Variants in AFTPH observed in about 807,000 individuals in gnomAD.
AFTPH encodes aftiphilin, also known as aftiphilin protein.
AFTPH carries 7 observed loss-of-function variants against 72.5 expected under a neutral mutation model. That is an observed-to-expected ratio of 0.10 (90% confidence interval 0.05 to 0.18). AFTPH has a LOEUF of 0.18. AFTPH is among the 10% of genes least tolerant of loss of function. The pLI is 1.00. For synonymous variants in AFTPH, 337 were observed against 370.1 expected, an observed-to-expected ratio of 0.91 and a Z score of 1.03; for missense variants, 979 against 1,060.5, an observed-to-expected ratio of 0.92 and a Z score of 1.07.
At chr2:64,546,772 C>T (rs1170151325) in intron 1 of AFTPH, among the ~76,000 whole-genome samples, 4 of 151,838 alleles carry the variant, frequency 2.6e-5, no homozygotes, top group Non-Finnish European at 4.4e-5. Flanking sequence ...TGGTGGCTCA[C>T]GCCTGTGATC....
intron 1 of AFTPH, among the ~76,000 whole-genome samples, chr2:64,548,963 C>G (rs1315931118): frequency 6.6e-6 from 1 of 152,172 alleles, no homozygotes. Context: ...TTCCTGGTAA[C>G]TCTGAGTGAC....
At chr2:64,553,113 G>T (rs770707382) in exon 2 of AFTPH, 23 of 1,614,050 alleles carry the variant, frequency 1.4e-5, no homozygotes, top group Non-Finnish European at 1.9e-5. Flanking sequence ...AAATATTCAG[G>T]ATGACTGCAA....
chr2:64,569,344 A>C, intron 4 of AFTPH, 126 bp downstream of exon 4: 1 of 1,297,340 alleles, frequency 7.7e-7, no homozygotes, highest in Non-Finnish European at 1.0e-6. Context: ...TTAAATGTTC[A>C]CTTATATTGA....
intron 1 of AFTPH, among the ~76,000 whole-genome samples, chr2:64,529,404 T>G (rs575567099): frequency 6.6e-6 from 1 of 152,044 alleles, no homozygotes; most frequent in Non-Finnish European, 1.5e-5. Context: ...TCAGTGATGT[T>G]TATATTCTAT....
chr2:64,559,297 G>A (rs1026132767), intron 2 of AFTPH, among the ~76,000 whole-genome samples: 1 of 152,152 alleles, frequency 6.6e-6, no homozygotes, highest in Non-Finnish European at 1.5e-5. Flanking sequence ...GGAAGGATGG[G>A]GAGGGGAAGT....
intron 1 of AFTPH, among the ~76,000 whole-genome samples, chr2:64,525,085 C>G (rs995487956): frequency 6.6e-6 from 1 of 152,238 alleles, no homozygotes; most frequent in African/African-American, 2.4e-5. Context: ...TGTGCTGCTT[C>G]CAAGGGTCTC....
At chr2:64,583,542 A>G (rs1284578356) in intron 7 of AFTPH, among the ~76,000 whole-genome samples, 2 of 152,012 alleles carry the variant, frequency 1.3e-5, no homozygotes, top group Non-Finnish European at 2.9e-5. Flanking sequence ...GCACTTACCT[A>G]TTGCCAGTCA....
At chr2:64,548,977 C>T (rs1383249749) in intron 1 of AFTPH, among the ~76,000 whole-genome samples, 6 of 152,178 alleles carry the variant, frequency 3.9e-5, no homozygotes, top group Non-Finnish European at 8.8e-5. Context: ...GAGTGACTGA[C>T]CAGTCGTTAA....
intron 1 of AFTPH, among the ~76,000 whole-genome samples, chr2:64,538,923 A>T (rs1374665135): frequency 2.0e-5 from 3 of 152,190 alleles, no homozygotes; most frequent in Admixed American, 2.0e-4. Flanking sequence ...TGTAGAAAGC[A>T]GCACTGTCAG....
At chr2:64,572,803 TAA>T (rs147232569) in intron 5 of AFTPH, 141 bp from the exon 6 acceptor site, 367,897 of 965,026 alleles carry the variant, frequency 0.38, 54,810 homozygotes, top group African/African-American at 0.73. Context: ...CCTTGTCTCT[TAA>T]AAAAAAAAAA....
intron 3 of AFTPH, among the ~76,000 whole-genome samples, chr2:64,568,368 A>G (rs1420317045): frequency 2.0e-5 from 3 of 150,990 alleles, no homozygotes; most frequent in Non-Finnish European, 2.9e-5. Flanking sequence ...ATGTTTCCCT[A>G]CCCTTTAAGA....
intron 7 of AFTPH, among the ~76,000 whole-genome samples, chr2:64,585,028 G>T (rs1443247696): frequency 6.6e-6 from 1 of 152,158 alleles, no homozygotes; most frequent in Non-Finnish European, 1.5e-5. Flanking sequence ...TTTAAAATGA[G>T]ATTAGTTAAT....
chr2:64,551,537 GGAT>G (rs761179582), exon 2 of AFTPH: 25 of 1,613,280 alleles, frequency 1.5e-5, no homozygotes, highest in East Asian at 4.5e-5. Context: ...ATGGAGCAGA[GGAT>G]GATGATGATG....
chr2:64,544,885 G>A (rs6546085), intron 1 of AFTPH, among the ~76,000 whole-genome samples: 71,323 of 151,764 alleles, frequency 0.47, 19,451 homozygotes, highest in African/African-American at 0.76. Context: ...GCAAGTTCTC[G>A]CCATCAATTG....
At chr2:64,551,982 A>G (rs1319024370) in exon 2 of AFTPH, 1 of 1,613,728 alleles carries the variant, frequency 6.2e-7, no homozygotes, top group Non-Finnish European at 8.5e-7. Context: ...GCAGTTAGAG[A>G]GCTGCAATGG....
intron 6 of AFTPH, among the ~76,000 whole-genome samples, chr2:64,578,351 A>G (rs1672948880): frequency 6.6e-6 from 1 of 152,230 alleles, no homozygotes. Context: ...TTTTGATATC[A>G]AAAGTCTAAT....
At chr2:64,528,252 A>G (rs957886047) in intron 1 of AFTPH, among the ~76,000 whole-genome samples, 2 of 152,246 alleles carry the variant, frequency 1.3e-5, no homozygotes, top group Non-Finnish European at 2.9e-5. Flanking sequence ...TCAATTAAAT[A>G]TCTACTGACA....
At chr2:64,585,611 G>C (rs1015640899) in intron 8 of AFTPH, 66 bp downstream of exon 9, 1 of 1,525,620 alleles carries the variant, frequency 6.6e-7, no homozygotes, top group Non-Finnish European at 8.8e-7. Context: ...AAAGGAAAAA[G>C]CATGTCAGTT....
At chr2:64,567,792 A>G in intron 3 of AFTPH, 79 bp downstream of exon 3, 3 of 1,499,194 alleles carry the variant, frequency 2.0e-6, no homozygotes, top group East Asian at 2.3e-5. Context: ...ATCTTAAAAC[A>G]TTAAGGTTCA....
Sources: allele counts gnomAD v4.1 joint callset (sites outside exome capture counted in the v4.1 genomes callset), GRCh38; gene constraint gnomAD v4.1.1; transcripts MANE v1.5; gene names NCBI Gene and HGNC (gene_info 2026-07-23, HGNC 2026-07-21).